PTPRE: variants seen among roughly 807,000 people sequenced by gnomAD.
PTPRE encodes the protein receptor-type tyrosine-protein phosphatase epsilon.
In PTPRE, 51 loss-of-function variants were observed where a neutral mutation model predicts 102.0. That is an observed-to-expected ratio of 0.50 (90% CI 0.40 to 0.63). The LOEUF (loss-of-function observed/expected upper bound fraction) is 0.63, where lower values mean the gene tolerates loss of function less well. PTPRE is among the 30% of genes least tolerant of loss of function. The pLI is 0.00. For synonymous variants in PTPRE, 345 were observed against 348.2 expected, an observed-to-expected ratio of 0.99 and a Z score of 0.10; for missense variants, 752 against 915.1, an observed-to-expected ratio of 0.82 and a Z score of 2.30.
Position 128,061,666 on chromosome 10 carries a change from T to C in PTPRE, c.589-13T>C. On this transcript the variant is annotated splice_polypyrimidine_tract_variant and intron_variant, in intron 8 of 20. Coordinates refer to ENST00000254667, the MANE Select transcript of PTPRE (RefSeq NM_006504.6). ...ATTCTGAAAAAATATAAATCTGATG[T>C]TATTTTTTCTAGGGTTACAAAGAGA... 1.3e-6 allele frequency: 2 copies of C among 1,579,800 alleles called. No homozygotes were observed. Among genetic ancestry groups the C allele is most frequent in the South Asian group, 1.2e-5 (1 of 86,366 alleles).
At chr10:128,025,767 A>G (rs1846246079) in intron 2 of PTPRE, among the ~76,000 whole-genome samples, 1 of 152,144 alleles carries the variant, frequency 6.6e-6, no homozygotes, top group Admixed American at 6.5e-5. Flanking sequence ...GACCTGCTCC[A>G]GGGGACCCAG....
intron 1 of PTPRE, among the ~76,000 whole-genome samples, chr10:127,970,647 T>C (rs1489811619): frequency 6.6e-6 from 1 of 151,788 alleles, no homozygotes; most frequent in African/African-American, 2.4e-5. Flanking sequence ...CCTACAAAAC[T>C]CCTGTTTTAT....
At chr10:127,974,288 A>G (rs1717852023) in intron 1 of PTPRE, among the ~76,000 whole-genome samples, 1 of 152,192 alleles carries the variant, frequency 6.6e-6, no homozygotes, top group Non-Finnish European at 1.5e-5. Context: ...TATTATCTCT[A>G]TTTCGCAGAT....
intron 2 of PTPRE, among the ~76,000 whole-genome samples, chr10:128,019,379 G>T (rs573415438): frequency 6.6e-6 from 1 of 152,228 alleles, no homozygotes; most frequent in Non-Finnish European, 1.5e-5. Flanking sequence ...ATCTCCACGC[G>T]ATGCTGTTTT....
chr10:127,949,175 A>G (rs538412986), intron 1 of PTPRE, among the ~76,000 whole-genome samples: 1 of 152,288 alleles, frequency 6.6e-6, no homozygotes, highest in South Asian at 2.1e-4. Flanking sequence ...CCATGCTGCT[A>G]GTGTGCCAGG....
At chr10:127,987,955 G>C (rs1852239134) in intron 2 of PTPRE, among the ~76,000 whole-genome samples, 1 of 152,234 alleles carries the variant, frequency 6.6e-6, no homozygotes, top group South Asian at 2.1e-4. Context: ...CCGGCACTCT[G>C]TGTGTAAGGG....
rs755378567 is a variant in PTPRE at position 128,069,716 on chromosome 10, C to T, written c.1032C>T (p.Thr344=). 3 of 1,614,170 alleles carry T rather than the reference C, an allele frequency of 1.9e-6. No individual in the cohort carries two copies. The highest frequency in any genetic ancestry group is 2.2e-5 in the South Asian group (2 of 91,088). The part of the protein sequence containing the change: ...HCSAGVGRTG[T]FIVIDAMMAM... ...GCGCGGGCGTGGGCCGGACGGGCAC[C>T]TTCATTGTGATCGATGCCATGATGG... Residue 344 remains threonine (T), a synonymous_variant, in exon 13 of 21, where the codon ACC becomes ACT. Coordinates refer to ENST00000254667, the MANE Select transcript of PTPRE (RefSeq NM_006504.6).
chr10:127,933,219 T>C (rs1255432573), intron 1 of PTPRE, among the ~76,000 whole-genome samples: 1 of 152,154 alleles, frequency 6.6e-6, no homozygotes, highest in Non-Finnish European at 1.5e-5. Context: ...GGACTGGAAA[T>C]CTTGGGGGAC....
At chr10:128,032,582 C>T (rs1846860432) in intron 2 of PTPRE, among the ~76,000 whole-genome samples, 1 of 152,142 alleles carries the variant, frequency 6.6e-6, no homozygotes, top group Admixed American at 6.5e-5. Context: ...GAAAAAGTGC[C>T]CTTGGAGAAG....
intron 6 of PTPRE, among the ~76,000 whole-genome samples, chr10:128,051,286 ACACTCAC>A (rs1247123060): frequency 1.3e-5 from 2 of 152,248 alleles, no homozygotes; most frequent in Non-Finnish European, 2.9e-5. Flanking sequence ...GGCAGGTGAG[ACACTCAC>A]CCCAGGCACA....
At chr10:128,018,460 C>G (rs964284252) in intron 2 of PTPRE, among the ~76,000 whole-genome samples, 3 of 152,214 alleles carry the variant, frequency 2.0e-5, no homozygotes, top group Non-Finnish European at 4.4e-5. Context: ...GTGGTCCAAT[C>G]AAAATAGGTC....
chr10:128,023,905 C>G (rs1440649471), intron 2 of PTPRE, among the ~76,000 whole-genome samples: 1 of 152,184 alleles, frequency 6.6e-6, no homozygotes, highest in African/African-American at 2.4e-5. Flanking sequence ...ATCCCAAACA[C>G]AATTATCTTG....
intron 8 of PTPRE, 142 bp from the exon 9 acceptor site, chr10:128,061,536 AG>A: frequency 1.0e-6 from 1 of 983,430 alleles, no homozygotes; most frequent in Non-Finnish European, 1.5e-6. Flanking sequence ...ATTGCTGGTG[AG>A]TTTTCTTTCC....
intron 2 of PTPRE, among the ~76,000 whole-genome samples, chr10:128,002,284 G>C (rs143605726): frequency 2.1e-4 from 32 of 152,184 alleles, no homozygotes; most frequent in Non-Finnish European, 3.5e-4. Flanking sequence ...CGGGCATCGA[G>C]GGGGAACAAG....
chr10:127,989,149 A>G (rs1334578922), intron 2 of PTPRE, among the ~76,000 whole-genome samples: 15 of 152,080 alleles, frequency 9.9e-5, no homozygotes, highest in Admixed American at 9.2e-4. Context: ...TTCAAGTGCT[A>G]TAACATATAC....
intron 1 of PTPRE, among the ~76,000 whole-genome samples, chr10:127,979,336 G>A (rs1281424162): frequency 3.3e-5 from 5 of 152,200 alleles, no homozygotes. Context: ...CCAACTTGTT[G>A]CTCAATATTA....
intron 1 of PTPRE, among the ~76,000 whole-genome samples, chr10:127,981,079 T>A (rs1357296203): frequency 6.6e-6 from 1 of 152,108 alleles, no homozygotes; most frequent in Non-Finnish European, 1.5e-5. Flanking sequence ...GAAGAATGGG[T>A]CAACAAAATG....
intron 2 of PTPRE, among the ~76,000 whole-genome samples, chr10:128,015,645 A>C (rs917983523): frequency 6.6e-6 from 1 of 152,120 alleles, no homozygotes; most frequent in African/African-American, 2.4e-5. Context: ...GGATTACGTG[A>C]GCTACCACGT....
chr10:127,931,646 C>A (rs983251165), intron 1 of PTPRE, among the ~76,000 whole-genome samples: 4 of 152,176 alleles, frequency 2.6e-5, no homozygotes, highest in African/African-American at 9.7e-5. Flanking sequence ...CCCTTTGCAT[C>A]GTTACCCAAA....
Sources: gnomAD v4.1 joint callset for allele counts (sites outside exome capture counted in the v4.1 genomes callset) on GRCh38, gnomAD v4.1.1 for gene constraint, MANE v1.5 for transcripts, NCBI Gene and HGNC (gene_info 2026-07-23, HGNC 2026-07-21) for gene names.